The following ALDH1A2 variants were observed in gnomAD, a reference collection of about 807,000 sequenced individuals.
ALDH1A2 encodes the protein aldehyde dehydrogenase 1 family member A2.
In ALDH1A2, 27 loss-of-function variants were observed where a neutral mutation model predicts 60.3. That is an observed-to-expected ratio of 0.45 (90% CI 0.33 to 0.62). The LOEUF is 0.62. Ranked by LOEUF, ALDH1A2 falls within the 20% of genes least tolerant of loss-of-function variation. ALDH1A2 has a pLI of 0.02. For synonymous variants in ALDH1A2, 289 were observed against 232.4 expected, an observed-to-expected ratio of 1.24 and a Z score of -2.21; for missense variants, 581 against 643.8, an observed-to-expected ratio of 0.90 and a Z score of 1.06.
At chr15:58,023,012 T>A (rs531958599) in intron 1 of ALDH1A2, among the ~76,000 whole-genome samples, 40 of 152,266 alleles carry the variant, frequency 2.6e-4, no homozygotes, top group South Asian at 2.1e-4. Context: ...TCAGAAAATT[T>A]CAAAATCCCA....
intron 1 of ALDH1A2, among the ~76,000 whole-genome samples, chr15:58,053,219 C>T (rs1418109711): frequency 6.6e-6 from 1 of 152,138 alleles, no homozygotes; most frequent in East Asian, 1.9e-4. Flanking sequence ...TAAAATGCCA[C>T]ATTTAAAATG....
intron 1 of ALDH1A2, among the ~76,000 whole-genome samples, chr15:58,022,529 C>A (rs117244742): frequency 6.6e-6 from 1 of 152,100 alleles, no homozygotes; most frequent in Non-Finnish European, 1.5e-5. Flanking sequence ...CCACTACCTC[C>A]GGGGGGAAAG....
Position 57,955,151 on chromosome 15 carries a change from G to T in ALDH1A2, c.*46C>A. The T allele has an allele frequency of 6.4e-7, 1 of 1,571,846 alleles. No individual in the cohort carries two copies. Among genetic ancestry groups the T allele is most frequent in the Non-Finnish European group, 8.8e-7 (1 of 1,141,478 alleles). ...AGCTGGGCCCTACAGAGAAAGCAGAGAGGGACAGACGTGCAGGCTGGGCTT... is the reference window on the plus strand; with the variant it reads ...AGCTGGGCCCTACAGAGAAAGCAGATAGGGACAGACGTGCAGGCTGGGCTT... On this transcript the variant is annotated 3_prime_UTR_variant, in exon 13 of 13. Coordinates refer to ENST00000249750, the MANE Select transcript of ALDH1A2 (RefSeq NM_003888.4).
At chr15:58,036,039 T>C (rs1293600126) in intron 1 of ALDH1A2, among the ~76,000 whole-genome samples, 3 of 151,736 alleles carry the variant, frequency 2.0e-5, no homozygotes, top group African/African-American at 7.2e-5. Flanking sequence ...TATGCAAGGA[T>C]AGCTCTTACT....
At chr15:57,955,821 T>C (rs1893504198) in intron 12 of ALDH1A2, among the ~76,000 whole-genome samples, 1 of 152,242 alleles carries the variant, frequency 6.6e-6, no homozygotes, top group Admixed American at 6.5e-5. Flanking sequence ...TTTACTACAG[T>C]GCTCCTTCTC....
chr15:57,987,179 C>T (rs1489159598), intron 7 of ALDH1A2, among the ~76,000 whole-genome samples: 2 of 151,838 alleles, frequency 1.3e-5, no homozygotes, highest in Non-Finnish European at 2.9e-5. Flanking sequence ...TAAAAGAGTC[C>T]CAGTGACCCA....
Position 57,954,684 on chromosome 15 carries a change from T to G in ALDH1A2, c.*513A>C. The G allele has an allele frequency of 5.3e-6, 1 of 187,362 alleles. No individual in the cohort carries two copies. The highest frequency in any genetic ancestry group is 1.2e-5 in the Non-Finnish European group (1 of 86,926). The allele number at this position is 187,362 out of a possible 1,614,324, so 11.6% of individuals were successfully genotyped here. A position where few individuals can be genotyped will look rare whatever the true frequency, so the allele number is the denominator to read the frequency against. ...TCATGTTTTGCTTTGAAGAAATGGATAACATGAAATGATAATTTGGCTTTA... is the reference window on the plus strand; with the variant it reads ...TCATGTTTTGCTTTGAAGAAATGGAGAACATGAAATGATAATTTGGCTTTA... On this transcript the variant is annotated 3_prime_UTR_variant, in exon 13 of 13. Coordinates refer to ENST00000249750, the MANE Select transcript of ALDH1A2 (RefSeq NM_003888.4).
intron 1 of ALDH1A2, among the ~76,000 whole-genome samples, chr15:58,042,539 G>C (rs1896543847): frequency 6.6e-6 from 1 of 151,952 alleles, no homozygotes; most frequent in Non-Finnish European, 1.5e-5. Flanking sequence ...GCAAAACAAT[G>C]TATGTTTTGG....
chr15:58,038,190 C>G (rs1274806421), intron 1 of ALDH1A2, among the ~76,000 whole-genome samples: 2 of 151,660 alleles, frequency 1.3e-5, no homozygotes, highest in East Asian at 3.9e-4. Flanking sequence ...AGTGTCTTCT[C>G]TATTCTAGGC....
At chr15:58,040,342 C>T (rs933157685) in intron 1 of ALDH1A2, among the ~76,000 whole-genome samples, 2 of 151,822 alleles carry the variant, frequency 1.3e-5, no homozygotes, top group Non-Finnish European at 2.9e-5. Context: ...TCCAACTATA[C>T]GATGAATCAT....
chr15:57,990,322 C>CACACGT (rs1894851282), intron 7 of ALDH1A2: 1 of 152,096 alleles, frequency 6.6e-6, no homozygotes, highest in South Asian at 2.1e-4. Flanking sequence ...TACGTATATA[C>CACACGT]ATATGTGTAT....
intron 1 of ALDH1A2, among the ~76,000 whole-genome samples, chr15:58,037,307 A>T (rs1346299398): frequency 6.6e-6 from 1 of 151,758 alleles, no homozygotes; most frequent in African/African-American, 2.4e-5. Flanking sequence ...GGTATGTTAT[A>T]AATTAACCAC....
chr15:57,993,224 T>C lies in ALDH1A2; in HGVS notation c.556-151A>G, dbSNP rs1400254369. On this transcript the variant is annotated intron_variant, in intron 5 of 12. Coordinates refer to ENST00000249750, the MANE Select transcript of ALDH1A2 (RefSeq NM_003888.4). ...GATGTTTGGATTTTCAATTACTTCATTAAGAATAGAATAGCACTGACCTTG... is the reference window on the plus strand; with the variant it reads ...GATGTTTGGATTTTCAATTACTTCACTAAGAATAGAATAGCACTGACCTTG... The C allele has an allele frequency of 4.0e-6, 4 of 989,492 alleles. No homozygotes were observed. The African/African-American group carries it at 4.8e-5, about 12-fold the overall frequency. The allele number at this position is 989,492 out of a possible 1,614,324, so 61.3% of individuals were successfully genotyped here. A position where few individuals can be genotyped will look rare whatever the true frequency, so the allele number is the denominator to read the frequency against.
intron 1 of ALDH1A2, among the ~76,000 whole-genome samples, chr15:58,019,783 G>A (rs1285899493): frequency 6.6e-6 from 1 of 152,170 alleles, no homozygotes; most frequent in African/African-American, 2.4e-5. Context: ...TGGAATGTCT[G>A]CTGAGAGAGG....
intron 7 of ALDH1A2, among the ~76,000 whole-genome samples, chr15:57,989,212 T>C (rs1212713445): frequency 6.6e-6 from 1 of 152,206 alleles, no homozygotes; most frequent in Non-Finnish European, 1.5e-5. Context: ...TAGAAGTTAA[T>C]TTATCAAGAA....
chr15:58,015,695 T>C (rs1197910197), intron 1 of ALDH1A2, among the ~76,000 whole-genome samples: 3 of 152,190 alleles, frequency 2.0e-5, no homozygotes, highest in African/African-American at 2.4e-5. Flanking sequence ...GTTTTCTCTC[T>C]ATTACACATG....
At position 57,980,472 on chromosome 15, in the gene ALDH1A2, T is replaced by C. The variant is rs1894456941; in HGVS notation, c.798+12233A>G. 3.6e-5 allele frequency: 11 copies of C among 303,436 alleles called. No homozygotes were observed. In the South Asian group the frequency reaches 3.9e-4, roughly 11 times the overall value. 18.8% of individuals were successfully genotyped at this position (303,436 alleles called of 1,614,324 possible). On this transcript the variant is annotated intron_variant, in intron 7 of 12. Transcript: ENST00000249750. ...AGCTTGTTCATGAGTATGCATAAGA[T>C]AATCCCGTCCTTCAGGCTCTTCTGG...
chr15:57,984,024 T>C (rs1276715572), intron 7 of ALDH1A2, among the ~76,000 whole-genome samples: 1 of 152,234 alleles, frequency 6.6e-6, no homozygotes, highest in Non-Finnish European at 1.5e-5. Context: ...ACTGAGAAAT[T>C]ATCCTTCCTA....
intron 1 of ALDH1A2, among the ~76,000 whole-genome samples, chr15:58,014,872 G>T (rs1895744260): frequency 6.6e-6 from 1 of 152,190 alleles, no homozygotes; most frequent in African/African-American, 2.4e-5. Flanking sequence ...AAAAGATGGG[G>T]ATGGGGAGTT....
Sources: allele counts gnomAD v4.1 joint callset (sites outside exome capture counted in the v4.1 genomes callset), GRCh38; gene constraint gnomAD v4.1.1; transcripts MANE v1.5; gene names NCBI Gene and HGNC (gene_info 2026-07-23, HGNC 2026-07-21).